Variants in PSD3 observed in about 807,000 individuals in gnomAD.
PSD3 encodes PH and SEC7 domain-containing protein 3.
PSD3 carries 49 observed loss-of-function variants against 105.5 expected under a neutral mutation model. That is an observed-to-expected ratio of 0.46 (90% CI 0.37 to 0.59). The LOEUF is 0.59. PSD3 is among the 20% of genes least tolerant of loss of function. PSD3 has a pLI of 0.00. For missense variants in PSD3, 1,561 were observed against 1,263.8 expected, an observed-to-expected ratio of 1.24 and a Z score of -3.57; for synonymous variants, 557 against 457.8, an observed-to-expected ratio of 1.22 and a Z score of -2.77.
At chr8:18,600,252 A>T in intron 12 of PSD3, 112 bp downstream of exon 12, 1 of 1,033,396 alleles carries the variant, frequency 9.7e-7, no homozygotes. Flanking sequence ...ATCAGCAAAC[A>T]AACTGCAGAA....
intron 1 of PSD3, among the ~76,000 whole-genome samples, chr8:19,051,383 T>C: frequency 6.6e-6 from 1 of 152,204 alleles, no homozygotes; most frequent in East Asian, 1.9e-4. Flanking sequence ...TTTTAGCTTA[T>C]ACTTATTCGT....
At chr8:19,004,189 A>G (rs926152528) in intron 1 of PSD3, among the ~76,000 whole-genome samples, 2 of 151,956 alleles carry the variant, frequency 1.3e-5, no homozygotes, top group African/African-American at 4.8e-5. Flanking sequence ...GGAGAAGACT[A>G]TTTTCTATAC....
chr8:18,960,394 A>T (rs1823841667), intron 1 of PSD3, among the ~76,000 whole-genome samples: 1 of 152,256 alleles, frequency 6.6e-6, no homozygotes, highest in Non-Finnish European at 1.5e-5. Flanking sequence ...AGAAATGGCA[A>T]TAAAGAAAAC....
chr8:18,712,255 G>T (rs1802299768), intron 9 of PSD3, among the ~76,000 whole-genome samples: 1 of 150,572 alleles, frequency 6.6e-6, no homozygotes, highest in Non-Finnish European at 1.5e-5. Flanking sequence ...GCCCGCAGAA[G>T]ACAAGATATG....
intron 1 of PSD3, among the ~76,000 whole-genome samples, chr8:19,075,814 T>C (rs1472945174): frequency 2.6e-5 from 4 of 152,204 alleles, no homozygotes; most frequent in Admixed American, 2.0e-4. Flanking sequence ...TAAAGGCTTA[T>C]AGAAAGCAGA....
At chr8:18,984,682 G>A (rs1471837996) in intron 1 of PSD3, among the ~76,000 whole-genome samples, 1 of 152,018 alleles carries the variant, frequency 6.6e-6, no homozygotes, top group African/African-American at 2.4e-5. Flanking sequence ...AAAATGTTGA[G>A]GTTTTTAAAT....
At chr8:18,870,989 C>T (rs555013064) in intron 3 of PSD3, among the ~76,000 whole-genome samples, 2 of 152,252 alleles carry the variant, frequency 1.3e-5, no homozygotes, top group South Asian at 4.1e-4. Flanking sequence ...GTCCCAGCTA[C>T]TCAGAGGGCT....
At chr8:18,768,772 A>G (rs1807244038) in intron 8 of PSD3, among the ~76,000 whole-genome samples, 1 of 152,162 alleles carries the variant, frequency 6.6e-6, no homozygotes, top group South Asian at 2.1e-4. Flanking sequence ...CAAGCTGTCT[A>G]AATAGTTACA....
At chr8:18,583,957 G>C (rs1723201166) in intron 12 of PSD3, among the ~76,000 whole-genome samples, 1 of 152,052 alleles carries the variant, frequency 6.6e-6, no homozygotes, top group Admixed American at 6.6e-5. Context: ...ATGGCCCTCT[G>C]TATCAGAAAG....
In PSD3 at chr8:18,730,721, G is replaced by C. The variant is rs976721371; in HGVS notation, c.2172+34728C>G. Among the ~76,000 whole-genome samples, 15 of 152,168 alleles carry C rather than the reference G, an allele frequency of 9.9e-5. 1 individual carries two copies. Among genetic ancestry groups the C allele is most frequent in the Admixed American group, 7.9e-4 (12 of 15,278 alleles). On this transcript the variant is annotated intron_variant, in intron 9 of 15. Coordinates refer to ENST00000327040, the MANE Select transcript of PSD3 (RefSeq NM_015310.4). Reference sequence around the variant, plus strand: ...TTGCCTCAGCTGTAACAACCAAATAGATCTCCAAACATTGCCAGATGTCCT... The same window carrying C: ...TTGCCTCAGCTGTAACAACCAAATACATCTCCAAACATTGCCAGATGTCCT...
At chr8:18,587,912 G>C (rs959003510) in intron 12 of PSD3, among the ~76,000 whole-genome samples, 1 of 152,130 alleles carries the variant, frequency 6.6e-6, no homozygotes, top group African/African-American at 2.4e-5. Context: ...TTTTTGTGTA[G>C]CATCTGCTAT....
intron 2 of PSD3, among the ~76,000 whole-genome samples, chr8:18,932,803 C>T (rs1181471835): frequency 2.6e-5 from 4 of 152,128 alleles, no homozygotes; most frequent in East Asian, 1.9e-4. Context: ...TTCCCCAGTT[C>T]GTCAAACAAT....
At chr8:19,004,922 T>C (rs1826601161) in intron 1 of PSD3, among the ~76,000 whole-genome samples, 1 of 152,086 alleles carries the variant, frequency 6.6e-6, no homozygotes, top group Non-Finnish European at 1.5e-5. Flanking sequence ...CCTTCCACCA[T>C]GATTGTGAGG....
At chr8:19,031,833 G>T (rs1158079757) in intron 1 of PSD3, among the ~76,000 whole-genome samples, 1 of 152,172 alleles carries the variant, frequency 6.6e-6, no homozygotes, top group African/African-American at 2.4e-5. Context: ...AGAACTAAAA[G>T]AGGCATTAGA....
chr8:19,054,223 A>C (rs1025799314), intron 1 of PSD3, among the ~76,000 whole-genome samples: 1 of 152,198 alleles, frequency 6.6e-6, no homozygotes, highest in African/African-American at 2.4e-5. Flanking sequence ...TGAATTGCTG[A>C]TTGAAAACAT....
intron 10 of PSD3, among the ~76,000 whole-genome samples, chr8:18,647,909 G>GA (rs1453723539): frequency 6.6e-6 from 1 of 152,164 alleles, no homozygotes; most frequent in African/African-American, 2.4e-5. Context: ...CCGGCCATGT[G>GA]AAGTGCCAGC....
intron 10 of PSD3, 77 bp downstream of exon 10, chr8:18,655,565 A>T: frequency 1.5e-6 from 2 of 1,328,240 alleles, no homozygotes; most frequent in Non-Finnish European, 2.2e-6. Flanking sequence ...CTTCTCTAAG[A>T]TCACTTCCAA....
intron 15 of PSD3, among the ~76,000 whole-genome samples, chr8:18,537,135 C>G (rs952835554): frequency 1.3e-5 from 2 of 152,128 alleles, no homozygotes; most frequent in African/African-American, 4.8e-5. Context: ...CTGGGGTTGG[C>G]CAGGATTCAA....
intron 4 of PSD3, among the ~76,000 whole-genome samples, chr8:18,836,496 C>T (rs1352739871): frequency 1.3e-5 from 2 of 152,162 alleles, no homozygotes; most frequent in Admixed American, 6.6e-5. Flanking sequence ...GGTAACAATA[C>T]TAATTTTTTA....
Sources: allele counts gnomAD v4.1 joint callset (sites outside exome capture counted in the v4.1 genomes callset), GRCh38; gene constraint gnomAD v4.1.1; transcripts MANE v1.5; gene names NCBI Gene and HGNC (gene_info 2026-07-23, HGNC 2026-07-21).